The following NNT variants were observed in gnomAD, a reference collection of about 807,000 sequenced individuals.
The protein encoded by NNT is NAD(P) transhydrogenase, mitochondrial.
Under a neutral mutation model 104.8 loss-of-function variants are expected in NNT, and 50 were observed. The observed-to-expected ratio is 0.48, with a 90% CI of 0.38 to 0.60. NNT has a LOEUF of 0.60. NNT is among the 20% of genes least tolerant of loss of function. NNT has a pLI of 0.00. For missense variants in NNT, 1,131 were observed against 1,330.7 expected, an observed-to-expected ratio of 0.85 and a Z score of 2.33; for synonymous variants, 461 against 490.4, an observed-to-expected ratio of 0.94 and a Z score of 0.79.
At chr5:43,616,692 T>C (rs1749808990) in intron 4 of NNT, among the ~76,000 whole-genome samples, 1 of 152,110 alleles carries the variant, frequency 6.6e-6, no homozygotes, top group Non-Finnish European at 1.5e-5. Context: ...TTGAGAAGGA[T>C]TCTAAGGCCC....
chr5:43,631,624 T>C (rs1750682532), intron 7 of NNT, among the ~76,000 whole-genome samples: 3 of 152,194 alleles, frequency 2.0e-5, no homozygotes, highest in African/African-American at 4.8e-5. Flanking sequence ...GAATAGAGTA[T>C]ATAGATTTAT....
intron 17 of NNT, among the ~76,000 whole-genome samples, chr5:43,665,619 C>T (rs553634786): frequency 5.1e-4 from 78 of 152,334 alleles, no homozygotes; most frequent in African/African-American, 1.8e-3. Context: ...AATGGAGTCT[C>T]CTATGTCTAC....
chr5:43,647,842 T>C, intron 10 of NNT: 1 of 453,122 alleles, frequency 2.2e-6, no homozygotes, highest in Middle Eastern at 3.3e-4. Flanking sequence ...TCCTAGGCAT[T>C]GTGCTAAATA....
chr5:43,668,546 C>T (rs1369688497), intron 17 of NNT, among the ~76,000 whole-genome samples: 7 of 152,126 alleles, frequency 4.6e-5, no homozygotes, highest in African/African-American at 1.7e-4. Flanking sequence ...AATCCTTTCC[C>T]CATTTCTTGT....
Position 43,685,719 on chromosome 5 carries a change from T to G in NNT, c.2876+7913T>G, listed in dbSNP as rs537754392. On this transcript the variant is annotated intron_variant, in intron 19 of 21. Coordinates refer to ENST00000344920, the MANE Select transcript of NNT (RefSeq NM_182977.3). ...GCAAAACATAGTTTATTTGAACAGT[T>G]GTGGTAGGACCCATGTGGTGAATGT... Among the ~76,000 whole-genome samples the G allele has an allele frequency of 5.9e-5, 9 of 152,270 alleles. No homozygotes were observed. In the South Asian group the frequency reaches 1.9e-3, roughly 32 times the overall value.
chr5:43,667,031 G>A (rs75283102), intron 17 of NNT: 67,744 of 1,596,160 alleles, frequency 0.042, 2,208 homozygotes, highest in East Asian at 0.18. Flanking sequence ...GCCTGGGCAC[G>A]TGCACTCATG....
chr5:43,655,761 A>G (rs147151898), intron 14 of NNT, 79 bp from the exon 15 acceptor site: 17 of 970,386 alleles, frequency 1.8e-5, no homozygotes, highest in Non-Finnish European at 2.7e-5. Context: ...AATGGTGGAA[A>G]TCCTTAAGGG....
chr5:43,667,915 T>C (rs1464472192), intron 17 of NNT, among the ~76,000 whole-genome samples: 1 of 152,228 alleles, frequency 6.6e-6, no homozygotes, highest in African/African-American at 2.4e-5. Context: ...TTTCTCCACA[T>C]CCTCACCAGC....
chr5:43,650,116 AG>A (rs1739676911), intron 11 of NNT, among the ~76,000 whole-genome samples: 1 of 152,220 alleles, frequency 6.6e-6, no homozygotes, highest in Non-Finnish European at 1.5e-5. Context: ...ATTATCTACC[AG>A]GGTCACTTTT....
chr5:43,607,408 C>T (rs543355165), intron 1 of NNT, among the ~76,000 whole-genome samples: 1 of 152,270 alleles, frequency 6.6e-6, no homozygotes, highest in African/African-American at 2.4e-5. Flanking sequence ...TTGTGACCCC[C>T]ACCACTGTCT....
At chr5:43,693,743 A>T (rs930079897) in intron 19 of NNT, among the ~76,000 whole-genome samples, 1 of 152,228 alleles carries the variant, frequency 6.6e-6, no homozygotes, top group African/African-American at 2.4e-5. Context: ...ACTAGCTGTA[A>T]TATTGCCAAA....
At chr5:43,647,142 G>A (rs3805720) in intron 10 of NNT, among the ~76,000 whole-genome samples, 5,135 of 152,276 alleles carry the variant, frequency 0.034, 133 homozygotes, top group East Asian at 0.12. Flanking sequence ...GAGTCCAGAT[G>A]TTTTAAAGCT....
intron 9 of NNT, 80 bp from the exon 10 acceptor site, chr5:43,645,277 T>A (rs1463140916): frequency 6.0e-6 from 5 of 830,182 alleles, no homozygotes; most frequent in Non-Finnish European, 8.4e-6. Context: ...AACAGGGTTT[T>A]AAAAAATAGT....
intron 19 of NNT, among the ~76,000 whole-genome samples, chr5:43,690,316 G>C (rs373960307): frequency 6.6e-6 from 1 of 151,968 alleles, no homozygotes; most frequent in Non-Finnish European, 1.5e-5. Context: ...TTGTTTGAAG[G>C]CACTGAATTT....
At chr5:43,613,320 A>G (rs1749601071) in intron 3 of NNT, 183 bp downstream of exon 3, 1 of 570,684 alleles carries the variant, frequency 1.8e-6, no homozygotes, top group Non-Finnish European at 3.1e-6. Context: ...TTATCAGACA[A>G]TATGATCTAT....
At chr5:43,668,047 T>G (rs1317758300) in intron 17 of NNT, among the ~76,000 whole-genome samples, 1 of 152,244 alleles carries the variant, frequency 6.6e-6, no homozygotes, top group South Asian at 2.1e-4. Flanking sequence ...TCATGTGTCT[T>G]TTGGCTGCAT....
At chr5:43,612,089 A>T (rs908314653) in intron 2 of NNT, among the ~76,000 whole-genome samples, 3 of 152,158 alleles carry the variant, frequency 2.0e-5, no homozygotes, top group Non-Finnish European at 4.4e-5. Context: ...CTCTTTAAAT[A>T]TCTACTACTG....
rs765748010 is a variant in NNT at position 43,650,700 on chromosome 5, C to T, written c.1717+113C>T. ...CCTTCAAAAAATGTTTCACTCTGAC[C>T]GTAAATGCTCTTTTTGCAGGAAAAT... On this transcript the variant is annotated intron_variant, in intron 12 of 21. Transcript: ENST00000344920. The T allele has an allele frequency of 2.0e-4, 132 of 672,918 alleles. 1 individual carries two copies. Among genetic ancestry groups the T allele is most frequent in the Non-Finnish European group, 2.9e-4 (123 of 421,864 alleles). 41.7% of individuals were successfully genotyped at this position (672,918 alleles called of 1,614,324 possible).
intron 11 of NNT, 93 bp downstream of exon 11, chr5:43,649,401 C>A: frequency 6.9e-7 from 1 of 1,450,210 alleles, no homozygotes; most frequent in Non-Finnish European, 9.4e-7. Flanking sequence ...AGTGTGTTTT[C>A]AAGTTGTTTT....
Sources: gnomAD v4.1 joint callset for allele counts (sites outside exome capture counted in the v4.1 genomes callset) on GRCh38, gnomAD v4.1.1 for gene constraint, MANE v1.5 for transcripts, NCBI Gene and HGNC (gene_info 2026-07-23, HGNC 2026-07-21) for gene names.